Variants in HS6ST3 observed in about 807,000 individuals in gnomAD.
The protein encoded by HS6ST3 is heparan sulfate 6-O-sulfotransferase 3, also known as heparan-sulfate 6-O-sulfotransferase 3.
HS6ST3 carries 12 observed loss-of-function variants against 36.7 expected under a neutral mutation model. The observed-to-expected ratio is 0.33, with a 90% CI of 0.21 to 0.53. The LOEUF (loss-of-function observed/expected upper bound fraction) is 0.53, where lower values mean the gene tolerates loss of function less well. HS6ST3 is among the 20% of genes least tolerant of loss of function. HS6ST3 has a pLI of 0.95. For synonymous variants in HS6ST3, 240 were observed against 257.5 expected, an observed-to-expected ratio of 0.93 and a Z score of 0.65; for missense variants, 584 against 640.9, an observed-to-expected ratio of 0.91 and a Z score of 0.96.
intron 1 of HS6ST3, among the ~76,000 whole-genome samples, chr13:96,152,191 CCCA>C (rs2054088119): frequency 6.6e-6 from 1 of 152,140 alleles, no homozygotes. Flanking sequence ...TCCATGGAGT[CCCA>C]CATTATTGAG....
intron 1 of HS6ST3, among the ~76,000 whole-genome samples, chr13:96,391,386 C>T (rs569753265): frequency 5.4e-4 from 82 of 152,254 alleles, no homozygotes; most frequent in African/African-American, 1.9e-3. Flanking sequence ...AAAATCAGTA[C>T]TCATGCACTT....
chr13:96,201,100 G>A (rs919532821), intron 1 of HS6ST3, among the ~76,000 whole-genome samples: 19 of 152,138 alleles, frequency 1.2e-4, no homozygotes, highest in Admixed American at 3.9e-4. Flanking sequence ...TGTGCATCCC[G>A]CAGACAGCTA....
At position 96,839,261 on chromosome 13, in the gene HS6ST3, T is replaced by G. The variant is rs752229462; in HGVS notation, c.*6063T>G. Reference sequence around the variant, plus strand: ...AAGTACTTCTGGGGCTTTGATTGCATTATTTCTCTTTTAATGTATCATTTC... The same window carrying G: ...AAGTACTTCTGGGGCTTTGATTGCAGTATTTCTCTTTTAATGTATCATTTC... On this transcript the variant is annotated 3_prime_UTR_variant, in exon 2 of 2. Transcript: ENST00000376705. 32 of 152,216 alleles carry G rather than the reference T, an allele frequency of 2.1e-4. No homozygotes were observed. Among genetic ancestry groups the G allele is most frequent in the Non-Finnish European group, 3.7e-4 (25 of 68,038 alleles). 9.4% of individuals were successfully genotyped at this position (152,216 alleles called of 1,614,324 possible). A position where few individuals can be genotyped will look rare whatever the true frequency, so the allele number is the denominator to read the frequency against.
chr13:96,713,195 G>T (rs557913163), intron 1 of HS6ST3, among the ~76,000 whole-genome samples: 3 of 152,252 alleles, frequency 2.0e-5, no homozygotes, highest in East Asian at 3.9e-4. Flanking sequence ...AAGTTTGTAG[G>T]ACTGCTAGTT....
rs34987152 is a variant in HS6ST3, at chr13:96,225,182, A to C, written c.707+133613A>C. The stretch of plus-strand genomic sequence containing the variant: ...GGTCACACCTGACAGGTTTACCCAT[A>C]TGCGAAGTCATTTGAGAAGTAAATG... On this transcript the variant is annotated intron_variant, in intron 1 of 1. Transcript: ENST00000376705. Among the ~76,000 whole-genome samples the C allele has an allele frequency of 6.5e-3, 984 of 152,372 alleles. 4 individuals carry two copies. Among genetic ancestry groups the C allele is most frequent in the Middle Eastern group, 0.01 (3 of 294 alleles).
chr13:96,737,631 CAAAAAAAAAAA>C (rs5805990), intron 1 of HS6ST3, among the ~76,000 whole-genome samples: 2 of 65,762 alleles, frequency 3.0e-5, no homozygotes, highest in East Asian at 5.0e-4. Flanking sequence ...GACTCCGTCT[CAAAAAAAAAAA>C]AAAAAAAAAA....
At chr13:96,599,120 G>C (rs1014071532) in intron 1 of HS6ST3, among the ~76,000 whole-genome samples, 2 of 151,912 alleles carry the variant, frequency 1.3e-5, no homozygotes, top group African/African-American at 4.8e-5. Flanking sequence ...TTGGATATTG[G>C]TCTGTAGTTT....
At chr13:96,768,963 A>T (rs1877189908) in intron 1 of HS6ST3, among the ~76,000 whole-genome samples, 1 of 152,084 alleles carries the variant, frequency 6.6e-6, no homozygotes, top group Admixed American at 6.5e-5. Context: ...GAAAGACCCG[A>T]TCATTGTTCC....
chr13:96,242,075 G>A (rs1479748527), intron 1 of HS6ST3, among the ~76,000 whole-genome samples: 7 of 151,964 alleles, frequency 4.6e-5, no homozygotes, highest in African/African-American at 1.5e-4. Flanking sequence ...GTGAGCCACC[G>A]CGCCTGGCCT....
chr13:96,551,603 T>G (rs2056219690), intron 1 of HS6ST3, among the ~76,000 whole-genome samples: 1 of 152,240 alleles, frequency 6.6e-6, no homozygotes, highest in Admixed American at 6.5e-5. Flanking sequence ...CACTGTCATT[T>G]GTAAATACTC....
intron 1 of HS6ST3, among the ~76,000 whole-genome samples, chr13:96,801,568 C>G (rs550796192): frequency 6.6e-6 from 1 of 152,034 alleles, no homozygotes; most frequent in Admixed American, 6.6e-5. Context: ...ACTTTGAAAA[C>G]ATTCTCTTAC....
chr13:96,111,608 A>G (rs923157746), intron 1 of HS6ST3, among the ~76,000 whole-genome samples: 3 of 152,204 alleles, frequency 2.0e-5, no homozygotes, highest in Non-Finnish European at 2.9e-5. Context: ...ATGGGATGAC[A>G]TCCTGAACCG....
intron 1 of HS6ST3, among the ~76,000 whole-genome samples, chr13:96,517,339 T>C (rs2056076596): frequency 6.6e-6 from 1 of 152,136 alleles, no homozygotes; most frequent in Non-Finnish European, 1.5e-5. Context: ...GTGATTGTGC[T>C]GCTGCACTCC....
At chr13:96,480,703 C>T (rs2055886548) in intron 1 of HS6ST3, among the ~76,000 whole-genome samples, 1 of 152,184 alleles carries the variant, frequency 6.6e-6, no homozygotes. Flanking sequence ...CTGATCCCCA[C>T]TTCTGTCTAC....
intron 1 of HS6ST3, among the ~76,000 whole-genome samples, chr13:96,471,872 G>A (rs780619393): frequency 6.6e-5 from 10 of 152,150 alleles, no homozygotes; most frequent in Admixed American, 1.3e-4. Context: ...ATAACAACAT[G>A]CATCTATTTT....
intron 1 of HS6ST3, among the ~76,000 whole-genome samples, chr13:96,164,556 G>GA (rs1181401496): frequency 0.03 from 3,943 of 132,004 alleles, 61 homozygotes; most frequent in East Asian, 0.061. Context: ...GACCCTGCCT[G>GA]AAAAAAAAAA....
chr13:96,816,931 G>A (rs1924578), intron 1 of HS6ST3, among the ~76,000 whole-genome samples: 41,579 of 151,924 alleles, frequency 0.27, 5,973 homozygotes, highest in East Asian at 0.42. Flanking sequence ...TGCGATTCCC[G>A]TCTGTCCTTA....
intron 1 of HS6ST3, among the ~76,000 whole-genome samples, chr13:96,803,827 C>T (rs1372379514): frequency 2.0e-5 from 3 of 152,016 alleles, no homozygotes; most frequent in Non-Finnish European, 4.4e-5. Context: ...CTTAAATAAA[C>T]ACTTAGTAAT....
chr13:96,724,470 C>G (rs982362019), intron 1 of HS6ST3, among the ~76,000 whole-genome samples: 1 of 152,140 alleles, frequency 6.6e-6, no homozygotes, highest in African/African-American at 2.4e-5. Flanking sequence ...CTGAACAGAT[C>G]CATCCATCAG....
Sources: gnomAD v4.1 joint callset for allele counts (sites outside exome capture counted in the v4.1 genomes callset) on GRCh38, gnomAD v4.1.1 for gene constraint, MANE v1.5 for transcripts, NCBI Gene and HGNC (gene_info 2026-07-23, HGNC 2026-07-21) for gene names.